Variants in UBE2E3 observed in about 807,000 individuals in gnomAD.
The protein encoded by UBE2E3 is ubiquitin conjugating enzyme E2 E3.
UBE2E3 carries 5 observed loss-of-function variants against 23.6 expected under a neutral mutation model. The ratio of observed to expected loss-of-function variants is 0.21; its 90% confidence interval spans 0.11 to 0.44. UBE2E3 has a LOEUF of 0.44. Among genes scored for constraint, UBE2E3 ranks in the 20% least tolerant of loss-of-function variants. The probability of loss-of-function intolerance (pLI) is 0.99; values close to 1 mark genes in which losing one functional copy is unlikely to be tolerated. For synonymous variants in UBE2E3, 78 were observed against 87.5 expected, an observed-to-expected ratio of 0.89 and a Z score of 0.60; for missense variants, 81 against 249.8, an observed-to-expected ratio of 0.32 and a Z score of 4.55.
chr2:181,049,572 A>G (rs1008659608), intron 3 of UBE2E3, among the ~76,000 whole-genome samples: 1 of 152,056 alleles, frequency 6.6e-6, no homozygotes, highest in Admixed American at 6.6e-5. Flanking sequence ...CGTTTGGATG[A>G]TGACTGTCAT....
intron 3 of UBE2E3, among the ~76,000 whole-genome samples, chr2:180,993,122 G>C (rs1457744231): frequency 6.6e-6 from 1 of 152,188 alleles, no homozygotes; most frequent in Non-Finnish European, 1.5e-5. Flanking sequence ...AGGGTGTATA[G>C]AGAAATAACA....
At chr2:181,034,782 T>C (rs1411954344) in intron 3 of UBE2E3, among the ~76,000 whole-genome samples, 1 of 152,214 alleles carries the variant, frequency 6.6e-6, no homozygotes, top group Admixed American at 6.5e-5. Context: ...TTTCTATTTA[T>C]ATTCAGGTTT....
At chr2:181,030,516 A>G (rs1686042630) in intron 3 of UBE2E3, among the ~76,000 whole-genome samples, 1 of 152,200 alleles carries the variant, frequency 6.6e-6, no homozygotes, top group East Asian at 1.9e-4. Flanking sequence ...TGTGTTCATG[A>G]TTTGAGATTG....
At chr2:181,039,212 A>G (rs903774171) in intron 3 of UBE2E3, among the ~76,000 whole-genome samples, 35 of 139,960 alleles carry the variant, frequency 2.5e-4, no homozygotes, top group Admixed American at 4.8e-4. Flanking sequence ...GCTCTATATC[A>G]TGGTTGTAGT....
chr2:181,046,643 G>A (rs1467071630), intron 3 of UBE2E3, among the ~76,000 whole-genome samples: 3 of 152,106 alleles, frequency 2.0e-5, no homozygotes, highest in Non-Finnish European at 4.4e-5. Flanking sequence ...GCAAAGAATG[G>A]GGGAGGGAAG....
chr2:181,028,570 C>T (rs187194343), intron 3 of UBE2E3, among the ~76,000 whole-genome samples: 178 of 152,240 alleles, frequency 1.2e-3, no homozygotes, highest in African/African-American at 4.2e-3. Flanking sequence ...TGACAATCTT[C>T]AGACTTCTTG....
chr2:180,994,156 C>G (rs1684758528), intron 3 of UBE2E3, among the ~76,000 whole-genome samples: 1 of 152,136 alleles, frequency 6.6e-6, no homozygotes, highest in African/African-American at 2.4e-5. Flanking sequence ...CAGGTGCTTA[C>G]TATCCACATT....
chr2:181,056,412 C>T (rs1254352661), intron 3 of UBE2E3, among the ~76,000 whole-genome samples: 1 of 151,730 alleles, frequency 6.6e-6, no homozygotes, highest in Non-Finnish European at 1.5e-5. Flanking sequence ...GCATCTGCAT[C>T]TGTTGAGGGC....
At chr2:181,034,277 C>T (rs1686189399) in intron 3 of UBE2E3, among the ~76,000 whole-genome samples, 1 of 152,166 alleles carries the variant, frequency 6.6e-6, no homozygotes, top group South Asian at 2.1e-4. Context: ...GGAACCAACC[C>T]AAATGTCCAT....
At chr2:181,006,036 G>T (rs1022682194) in intron 3 of UBE2E3, among the ~76,000 whole-genome samples, 1 of 152,174 alleles carries the variant, frequency 6.6e-6, no homozygotes, top group Non-Finnish European at 1.5e-5. Flanking sequence ...GGACTGGGAG[G>T]CTGTCATAGT....
chr2:181,034,614 C>G (rs1043042036), intron 3 of UBE2E3, among the ~76,000 whole-genome samples: 3 of 152,132 alleles, frequency 2.0e-5, no homozygotes, highest in Admixed American at 1.3e-4. Flanking sequence ...CAACATGGCA[C>G]ATGTATACAT....
At chr2:181,024,046 T>C (rs1685796407) in intron 3 of UBE2E3, among the ~76,000 whole-genome samples, 1 of 152,148 alleles carries the variant, frequency 6.6e-6, no homozygotes, top group African/African-American at 2.4e-5. Flanking sequence ...TTGTTACTAA[T>C]ATGGTTAGTC....
At chr2:180,988,369 C>T (rs898686292) in intron 3 of UBE2E3, among the ~76,000 whole-genome samples, 3 of 151,830 alleles carry the variant, frequency 2.0e-5, no homozygotes, top group East Asian at 3.9e-4. Context: ...TAGGAACTTG[C>T]GTAAAAAAGA....
intron 3 of UBE2E3, among the ~76,000 whole-genome samples, chr2:181,020,758 A>C (rs548678898): frequency 6.6e-6 from 1 of 152,228 alleles, no homozygotes; most frequent in African/African-American, 2.4e-5. Flanking sequence ...AGTGGGTTTC[A>C]TATGTAATGC....
intron 3 of UBE2E3, among the ~76,000 whole-genome samples, chr2:181,050,234 ATAGATTTTTAATG>A (rs1559135196): frequency 2.0e-5 from 3 of 152,012 alleles, no homozygotes; most frequent in African/African-American, 7.2e-5. Flanking sequence ...ACATACTAGT[ATAGATTTTTAATG>A]CAAATGGCCA....
At chr2:181,006,690 GA>G (rs1685158862) in intron 3 of UBE2E3, among the ~76,000 whole-genome samples, 1 of 151,988 alleles carries the variant, frequency 6.6e-6, no homozygotes, top group Non-Finnish European at 1.5e-5. Context: ...AAAGCAGAGA[GA>G]TTTTTTCTAT....
chr2:180,984,171 TGCA>T, intron 3 of UBE2E3, 78 bp downstream of exon 3: 1 of 1,295,488 alleles, frequency 7.7e-7, no homozygotes, highest in Non-Finnish European at 1.1e-6. Flanking sequence ...TGGATATGTG[TGCA>T]GCAGAGGAGA....
At chr2:181,028,201 C>T (rs969346706) in intron 3 of UBE2E3, among the ~76,000 whole-genome samples, 1 of 152,000 alleles carries the variant, frequency 6.6e-6, no homozygotes, top group Admixed American at 6.6e-5. Flanking sequence ...ACTTTTTTCT[C>T]TTAAATCTTG....
intron 3 of UBE2E3, among the ~76,000 whole-genome samples, chr2:181,004,417 G>A (rs907706185): frequency 1.1e-4 from 17 of 152,076 alleles, no homozygotes; most frequent in Admixed American, 6.5e-5. Context: ...GGCAGATCAC[G>A]AGGTCAAGAG....
Sources: gnomAD v4.1 joint callset for allele counts (sites outside exome capture counted in the v4.1 genomes callset) on GRCh38, gnomAD v4.1.1 for gene constraint, MANE v1.5 for transcripts, NCBI Gene and HGNC (gene_info 2026-07-23, HGNC 2026-07-21) for gene names.